CDK6: variants seen among roughly 807,000 people sequenced by gnomAD.
The protein encoded by CDK6 is cyclin dependent kinase 6, also known as cyclin-dependent kinase 6.
In CDK6, 6 loss-of-function variants were observed where a neutral mutation model predicts 37.1. The ratio of observed to expected loss-of-function variants is 0.16; its 90% CI spans 0.09 to 0.32. The LOEUF (loss-of-function observed/expected upper bound fraction) is 0.32. CDK6 is among the 10% of genes least tolerant of loss of function. The pLI is 1.00. For missense variants in CDK6, 224 were observed against 418.9 expected (o/e 0.53, Z 4.06); for synonymous variants, 160 against 161.3 (o/e 0.99, Z 0.06).
At chr7:92,821,847 C>T (rs1416058567) in intron 2 of CDK6, among the ~76,000 whole-genome samples, 1 of 151,782 alleles carries the variant, frequency 6.6e-6, no homozygotes, top group Non-Finnish European at 1.5e-5. Flanking sequence ...AATGGTAGCC[C>T]CAAACAGAAG....
intron 5 of CDK6, among the ~76,000 whole-genome samples, chr7:92,628,834 C>G (rs575688676): frequency 6.6e-6 from 1 of 152,174 alleles, no homozygotes; most frequent in African/African-American, 2.4e-5. Flanking sequence ...ATATCCAAAA[C>G]CTTGCGAAAA....
At chr7:92,665,256 C>T (rs1275257334) in intron 5 of CDK6, among the ~76,000 whole-genome samples, 1 of 150,364 alleles carries the variant, frequency 6.7e-6, no homozygotes, top group Admixed American at 6.6e-5. Flanking sequence ...CAATCTATCA[C>T]AACCATCCAA....
At chr7:92,764,916 A>T (rs1799543198) in intron 3 of CDK6, among the ~76,000 whole-genome samples, 1 of 152,202 alleles carries the variant, frequency 6.6e-6, no homozygotes, top group Non-Finnish European at 1.5e-5. Context: ...TTGTAATGAC[A>T]ATATTGCAAA....
rs111726219 is a variant in CDK6, at chr7:92,712,819, C to T, written c.537+12807G>A. The stretch of plus-strand genomic sequence containing the variant: ...ATAAGAACATGTGAGTTTCTCTCTT[C>T]TTTAGACATTAATCCTATGTATGTA... On this transcript the variant is annotated intron_variant, in intron 4 of 7. Coordinates refer to ENST00000424848, the MANE Select transcript of CDK6 (RefSeq NM_001145306.2). Among the ~76,000 whole-genome samples the T allele has an allele frequency of 7.1e-3, 1,079 of 151,446 alleles. 18 individuals carry two copies. The highest frequency in any genetic ancestry group is 0.025 in the African/African-American group (1,023 of 41,178).
At chr7:92,798,712 A>T (rs1286546299) in intron 2 of CDK6, among the ~76,000 whole-genome samples, 2 of 152,192 alleles carry the variant, frequency 1.3e-5, no homozygotes. Context: ...CTCTTAGGAC[A>T]GCCAATCCCT....
chr7:92,748,762 T>C (rs1465234440), intron 3 of CDK6, among the ~76,000 whole-genome samples: 4 of 152,168 alleles, frequency 2.6e-5, no homozygotes, highest in African/African-American at 4.8e-5. Flanking sequence ...TTAAATCTAG[T>C]TGAGGCACTG....
chr7:92,702,097 T>C (rs1797861425), intron 4 of CDK6, among the ~76,000 whole-genome samples: 1 of 152,086 alleles, frequency 6.6e-6, no homozygotes, highest in Non-Finnish European at 1.5e-5. Flanking sequence ...GTTTTAGCCA[T>C]AATCAAATAG....
intron 3 of CDK6, among the ~76,000 whole-genome samples, chr7:92,749,890 A>C (rs1799149000): frequency 6.6e-6 from 1 of 152,248 alleles, no homozygotes; most frequent in Admixed American, 6.5e-5. Flanking sequence ...TGAAATGCAG[A>C]GACATAAATG....
chr7:92,797,849 T>C (rs935357214), intron 2 of CDK6, among the ~76,000 whole-genome samples: 1 of 152,134 alleles, frequency 6.6e-6, no homozygotes, highest in African/African-American at 2.4e-5. Flanking sequence ...CAGGGCCTTG[T>C]CAAACACCTC....
chr7:92,719,878 C>T (rs1327401857), intron 4 of CDK6, among the ~76,000 whole-genome samples: 3 of 152,130 alleles, frequency 2.0e-5, no homozygotes, highest in Non-Finnish European at 4.4e-5. Flanking sequence ...ATAAAAACAT[C>T]AATACTGGCA....
chr7:92,637,896 T>TA (rs1200304228), intron 5 of CDK6, among the ~76,000 whole-genome samples: 9 of 150,838 alleles, frequency 6.0e-5, no homozygotes, highest in African/African-American at 1.7e-4. Flanking sequence ...TGAAAGGCAT[T>TA]AAAAAAAAAT....
intron 3 of CDK6, among the ~76,000 whole-genome samples, chr7:92,727,753 A>C (rs1225084860): frequency 6.6e-6 from 1 of 152,132 alleles, no homozygotes; most frequent in East Asian, 1.9e-4. Context: ...AAGCTTCCCA[A>C]AACCCTGGAG....
In CDK6 at chr7:92,835,859, G is replaced by GA. The variant is rs773959404; in HGVS notation, c.-368+618dup. On this transcript the variant is annotated intron_variant, in intron 1 of 7. Transcript: ENST00000424848. The surrounding 1 kb of genome is among the most constrained non-coding windows in gnomAD (Gnocchi z 4.2). ...ATTTTAAATTATAAAAGTAAACTTG[G>GA]AAACTACAGCAAACGTGCGTCTTCG... 4.7e-4 allele frequency among the ~76,000 whole-genome samples: 72 copies of GA among 152,364 alleles called. No homozygotes were observed. Among genetic ancestry groups the GA allele is most frequent in the Non-Finnish European group, 8.2e-4 (56 of 68,042 alleles).
intron 4 of CDK6, among the ~76,000 whole-genome samples, chr7:92,693,552 TTCA>T (rs1433506549): frequency 6.6e-6 from 1 of 152,266 alleles, no homozygotes; most frequent in African/African-American, 2.4e-5. Flanking sequence ...TTCTAATTAA[TTCA>T]TCATTATATA....
At chr7:92,773,613 A>G (rs904851436) in intron 3 of CDK6, among the ~76,000 whole-genome samples, 3 of 152,212 alleles carry the variant, frequency 2.0e-5, no homozygotes, top group Non-Finnish European at 2.9e-5. Flanking sequence ...CTACATTTGG[A>G]GGGCCTTAAT....
intron 5 of CDK6, among the ~76,000 whole-genome samples, chr7:92,646,341 C>T (rs1428246102): frequency 1.3e-5 from 2 of 152,014 alleles, no homozygotes; most frequent in Admixed American, 1.3e-4. Flanking sequence ...TTTTTGCTAT[C>T]TTCCACAGTG....
At chr7:92,732,881 C>T (rs958524163) in intron 3 of CDK6, among the ~76,000 whole-genome samples, 5 of 152,274 alleles carry the variant, frequency 3.3e-5, no homozygotes, top group African/African-American at 9.6e-5. Context: ...CATCTGTACA[C>T]ATAAAAGGCC....
intron 5 of CDK6, among the ~76,000 whole-genome samples, chr7:92,635,412 G>C (rs968675276): frequency 2.0e-5 from 3 of 152,150 alleles, no homozygotes; most frequent in Non-Finnish European, 2.9e-5. Flanking sequence ...AAATCCCAGA[G>C]TGCAGGCAGG....
chr7:92,690,941 A>G (rs1562937150), intron 4 of CDK6, among the ~76,000 whole-genome samples: 1 of 152,204 alleles, frequency 6.6e-6, no homozygotes, highest in Non-Finnish European at 1.5e-5. Context: ...ATCTTGCTAT[A>G]TATCTGTATT....
Sources: allele counts gnomAD v4.1 joint callset (sites outside exome capture counted in the v4.1 genomes callset), GRCh38; gene constraint gnomAD v4.1.1; non-coding constraint Gnocchi (gnomAD v3.1); transcripts MANE v1.5; gene names NCBI Gene and HGNC (gene_info 2026-07-23, HGNC 2026-07-21).